RSU1: variants seen among roughly 807,000 people sequenced by gnomAD.
RSU1 encodes Ras suppressor protein 1, also known as rsu-1.
In RSU1, 26 loss-of-function variants were observed where a neutral mutation model predicts 31.1. The ratio of observed to expected loss-of-function variants is 0.84; its 90% CI spans 0.61 to 1.16. The LOEUF (loss-of-function observed/expected upper bound fraction) is 1.16, where lower values mean the gene tolerates loss of function less well. Ranked by LOEUF, RSU1 falls within the 50% of genes most tolerant of loss-of-function variation. The probability of loss-of-function intolerance (pLI) is 0.00; values close to 1 mark genes in which losing one functional copy is unlikely to be tolerated. For missense variants in RSU1, 320 were observed against 339.1 expected, an observed-to-expected ratio of 0.94 and a Z score of 0.44; for synonymous variants, 164 against 136.3, an observed-to-expected ratio of 1.20 and a Z score of -1.41.
At position 16,607,050 on chromosome 10, in the gene RSU1, G is replaced by A. The variant is rs116710678; in HGVS notation, c.732-13554C>T. ...AATTGTAGTCCTCAGTGTTGGAGGTGGTTGGATCATGGGGGCGGTTTCTCA... is the reference window on the plus strand; with the variant it reads ...AATTGTAGTCCTCAGTGTTGGAGGTAGTTGGATCATGGGGGCGGTTTCTCA... On this transcript the variant is annotated intron_variant, in intron 8 of 8. Transcript: ENST00000345264. Among the ~76,000 whole-genome samples the A allele has an allele frequency of 7.5e-4, 114 of 152,324 alleles. 1 individual carries two copies. Among genetic ancestry groups the A allele is most frequent in the African/African-American group, 2.6e-3 (110 of 41,566 alleles).
At chr10:16,754,726 G>A (rs1437722376) in intron 5 of RSU1, 145 bp downstream of exon 5, 6 of 615,562 alleles carry the variant, frequency 9.7e-6, no homozygotes, top group African/African-American at 1.9e-5. Flanking sequence ...GCTGAGCTAC[G>A]AAGGAATATT....
chr10:16,779,090 C>T (rs990358898), intron 3 of RSU1, among the ~76,000 whole-genome samples: 1 of 152,178 alleles, frequency 6.6e-6, no homozygotes, highest in Admixed American at 6.5e-5. Context: ...TTCCCGTCTC[C>T]TTAAACACAT....
At chr10:16,625,057 C>T (rs1834132171) in intron 8 of RSU1, among the ~76,000 whole-genome samples, 1 of 152,160 alleles carries the variant, frequency 6.6e-6, no homozygotes, top group Admixed American at 6.5e-5. Context: ...TTTCTCTGCC[C>T]TGCCAGATGG....
chr10:16,652,130 T>G (rs1834694489), intron 8 of RSU1, among the ~76,000 whole-genome samples: 1 of 152,142 alleles, frequency 6.6e-6, no homozygotes, highest in African/African-American at 2.4e-5. Context: ...AAAGCACCTT[T>G]AAATGACCTC....
At chr10:16,626,878 G>C (rs1260107902) in intron 8 of RSU1, among the ~76,000 whole-genome samples, 1 of 152,140 alleles carries the variant, frequency 6.6e-6, no homozygotes, top group Non-Finnish European at 1.5e-5. Context: ...CATTGGGAGT[G>C]GTCTCCCAGG....
chr10:16,675,739 G>A (rs530795508), intron 8 of RSU1, among the ~76,000 whole-genome samples: 27 of 152,256 alleles, frequency 1.8e-4, no homozygotes, highest in Non-Finnish European at 2.5e-4. Flanking sequence ...CAACATGAAC[G>A]CGTGCTCCTT....
At chr10:16,621,014 T>A (rs993553218) in intron 8 of RSU1, among the ~76,000 whole-genome samples, 1 of 152,138 alleles carries the variant, frequency 6.6e-6, no homozygotes, top group African/African-American at 2.4e-5. Context: ...TCTGCGTACT[T>A]AACCAAGTAA....
At chr10:16,757,331 C>G (rs1837116674) in intron 4 of RSU1, among the ~76,000 whole-genome samples, 1 of 152,112 alleles carries the variant, frequency 6.6e-6, no homozygotes, top group Non-Finnish European at 1.5e-5. Context: ...ATCGATCCTT[C>G]TCCTAACACA....
chr10:16,801,290 TA>T (rs570440291), intron 2 of RSU1, among the ~76,000 whole-genome samples: 2 of 152,036 alleles, frequency 1.3e-5, no homozygotes, highest in South Asian at 4.2e-4. Flanking sequence ...TTATCAGAAA[TA>T]AAAAAGGGTA....
intron 8 of RSU1, among the ~76,000 whole-genome samples, chr10:16,682,868 C>T (rs1376453862): frequency 2.6e-5 from 4 of 152,246 alleles, no homozygotes; most frequent in Middle Eastern, 3.4e-3. Context: ...AGACCCTCCA[C>T]ACCGCACATG....
chr10:16,692,345 C>T (rs1002004108), intron 8 of RSU1, among the ~76,000 whole-genome samples: 2 of 152,190 alleles, frequency 1.3e-5, no homozygotes, highest in African/African-American at 2.4e-5. Context: ...CAGAAACTCA[C>T]AATTTAATCT....
At chr10:16,724,574 T>C (rs1419030503) in intron 7 of RSU1, among the ~76,000 whole-genome samples, 2 of 152,188 alleles carry the variant, frequency 1.3e-5, no homozygotes, top group African/African-American at 4.8e-5. Context: ...CAGCAGTGGG[T>C]ATCCCCAGAG....
At chr10:16,652,666 C>T (rs1440975329) in intron 8 of RSU1, among the ~76,000 whole-genome samples, 2 of 152,014 alleles carry the variant, frequency 1.3e-5, no homozygotes, top group Non-Finnish European at 2.9e-5. Flanking sequence ...GTATTAGATA[C>T]AAAACTAAAA....
chr10:16,649,970 A>G (rs909391776), intron 8 of RSU1, among the ~76,000 whole-genome samples: 4 of 151,996 alleles, frequency 2.6e-5, no homozygotes, highest in African/African-American at 9.7e-5. Flanking sequence ...TTCAAATTCC[A>G]CTCCTTCCCA....
intron 7 of RSU1, among the ~76,000 whole-genome samples, chr10:16,722,853 C>T (rs898149285): frequency 2.4e-5 from 3 of 124,318 alleles, no homozygotes; most frequent in Non-Finnish European, 3.5e-5. Context: ...TATATACACA[C>T]ATATATACAT....
chr10:16,717,801 C>A (rs1836173180), intron 7 of RSU1, among the ~76,000 whole-genome samples: 1 of 152,086 alleles, frequency 6.6e-6, no homozygotes, highest in Admixed American at 6.6e-5. Context: ...TCCCGCCTCT[C>A]AAGGATCTAC....
chr10:16,681,251 T>C (rs746747966), intron 8 of RSU1, among the ~76,000 whole-genome samples: 38 of 152,352 alleles, frequency 2.5e-4, no homozygotes, highest in Middle Eastern at 3.4e-3. Flanking sequence ...TGCTCGTTGT[T>C]TCTCTGATTT....
chr10:16,773,246 T>A (rs1368956157), intron 3 of RSU1, among the ~76,000 whole-genome samples: 1 of 150,578 alleles, frequency 6.6e-6, no homozygotes, highest in Non-Finnish European at 1.5e-5. Context: ...ATCAAATCCA[T>A]CAAGAGGCCA....
chr10:16,760,451 G>T (rs1837185545), intron 4 of RSU1, among the ~76,000 whole-genome samples: 1 of 151,032 alleles, frequency 6.6e-6, no homozygotes, highest in South Asian at 2.1e-4. Context: ...GGAGGTTGCA[G>T]TGAGCCGAGA....
Sources: gnomAD v4.1 joint callset for allele counts (sites outside exome capture counted in the v4.1 genomes callset) on GRCh38, gnomAD v4.1.1 for gene constraint, MANE v1.5 for transcripts, NCBI Gene and HGNC (gene_info 2026-07-23, HGNC 2026-07-21) for gene names.